The following GIGYF2 variants were observed in gnomAD, a reference collection of about 807,000 sequenced individuals.
The protein encoded by GIGYF2 is GRB10-interacting GYF protein 2.
GIGYF2 carries 25 observed loss-of-function variants against 208.1 expected under a neutral mutation model. That is an observed-to-expected ratio of 0.12 (90% CI 0.09 to 0.17). GIGYF2 has a LOEUF of 0.17. Among genes scored for constraint, GIGYF2 ranks in the 10% least tolerant of loss-of-function variants. The pLI, the probability that GIGYF2 is intolerant of heterozygous loss-of-function variation, is 1.00. For synonymous variants in GIGYF2, 534 were observed against 543.8 expected, an observed-to-expected ratio of 0.98 and a Z score of 0.25; for missense variants, 1,302 against 1,579.4, an observed-to-expected ratio of 0.82 and a Z score of 2.98.
At chr2:232,846,905 A>C (rs1172772253) in intron 26 of GIGYF2, among the ~76,000 whole-genome samples, 2 of 152,208 alleles carry the variant, frequency 1.3e-5, no homozygotes, top group African/African-American at 4.8e-5. Flanking sequence ...CTCCTATACC[A>C]CACACTGCTT....
chr2:232,707,223 G>A (rs970191337), intron 2 of GIGYF2, among the ~76,000 whole-genome samples: 3 of 152,026 alleles, frequency 2.0e-5, no homozygotes, highest in African/African-American at 4.8e-5. Context: ...TATCTTCTTC[G>A]GGAACAAAGC....
intron 21 of GIGYF2, among the ~76,000 whole-genome samples, chr2:232,821,517 A>AT (rs1030860866): frequency 4.6e-5 from 7 of 151,760 alleles, no homozygotes; most frequent in South Asian, 2.1e-4. Flanking sequence ...CAATTTATCT[A>AT]TTTTTTTTCT....
At chr2:232,786,313 C>T (rs955513716) in intron 8 of GIGYF2, among the ~76,000 whole-genome samples, 2 of 152,128 alleles carry the variant, frequency 1.3e-5, no homozygotes, top group African/African-American at 2.4e-5. Flanking sequence ...TCTCTGCTTA[C>T]CGCGACCTCC....
intron 3 of GIGYF2, among the ~76,000 whole-genome samples, chr2:232,746,396 T>C (rs991038658): frequency 6.6e-6 from 1 of 152,294 alleles, no homozygotes; most frequent in Admixed American, 6.5e-5. Flanking sequence ...TGAATAAAGC[T>C]TAGCAGTTTT....
At chr2:232,719,017 G>C (rs1426099826) in intron 2 of GIGYF2, 1 of 151,500 alleles carries the variant, frequency 6.6e-6, no homozygotes, top group Non-Finnish European at 1.5e-5. Flanking sequence ...TTTTGAGACG[G>C]AGTCTCGCTT....
chr2:232,793,335 A>T (rs773158825), intron 12 of GIGYF2, among the ~76,000 whole-genome samples: 20 of 152,158 alleles, frequency 1.3e-4, no homozygotes, highest in Non-Finnish European at 2.5e-4. Flanking sequence ...CTGTAAAGGG[A>T]AGTTGTGGCA....
At chr2:232,733,806 A>G (rs1697611215) in intron 2 of GIGYF2, among the ~76,000 whole-genome samples, 1 of 152,200 alleles carries the variant, frequency 6.6e-6, no homozygotes, top group Non-Finnish European at 1.5e-5. Flanking sequence ...TGCTGTGTAA[A>G]TAGTTGTTCT....
At chr2:232,798,072 C>T (rs1404539850) in intron 14 of GIGYF2, among the ~76,000 whole-genome samples, 2 of 151,620 alleles carry the variant, frequency 1.3e-5, no homozygotes, top group Non-Finnish European at 1.5e-5. Flanking sequence ...ACCTGAGCTT[C>T]CCTTCTACCC....
At chr2:232,824,542 C>T (rs1020099231) in intron 21 of GIGYF2, among the ~76,000 whole-genome samples, 5 of 152,022 alleles carry the variant, frequency 3.3e-5, no homozygotes, top group African/African-American at 4.8e-5. Flanking sequence ...CTGTGAAAGC[C>T]GAGAGAGGTG....
chr2:232,717,811 G>A (rs1696758242), intron 2 of GIGYF2, among the ~76,000 whole-genome samples: 1 of 151,906 alleles, frequency 6.6e-6, no homozygotes, highest in Non-Finnish European at 1.5e-5. Flanking sequence ...AACAAATCAA[G>A]TAAGGACTCA....
At chr2:232,772,142 G>C (rs1175964308) in intron 8 of GIGYF2, among the ~76,000 whole-genome samples, 3 of 152,164 alleles carry the variant, frequency 2.0e-5, no homozygotes, top group Non-Finnish European at 4.4e-5. Context: ...TCAGACTCCT[G>C]TTCTCAAGCC....
intron 14 of GIGYF2, among the ~76,000 whole-genome samples, chr2:232,800,254 A>G (rs1240632858): frequency 6.6e-6 from 1 of 152,108 alleles, no homozygotes; most frequent in Non-Finnish European, 1.5e-5. Context: ...AGAGTTTTAC[A>G]GATTTAGGTC....
intron 8 of GIGYF2, chr2:232,765,859 A>G (rs1228237551): frequency 2.2e-6 from 1 of 463,594 alleles, no homozygotes; most frequent in Non-Finnish European, 4.5e-6. Context: ...ACATGCCTCC[A>G]GTTTGTTGAA....
chr2:232,798,618 A>G (rs753928317), intron 14 of GIGYF2, among the ~76,000 whole-genome samples: 8 of 152,188 alleles, frequency 5.3e-5, no homozygotes, highest in Non-Finnish European at 1.2e-4. Flanking sequence ...AGAGGTGTGT[A>G]GTGATACCTC....
At chr2:232,849,762 A>G (rs1300278049) in intron 27 of GIGYF2, among the ~76,000 whole-genome samples, 1 of 152,250 alleles carries the variant, frequency 6.6e-6, no homozygotes, top group African/African-American at 2.4e-5. Flanking sequence ...TAGAAAGTAT[A>G]CAGACAGTAT....
In GIGYF2 at chr2:232,844,404, T is replaced by C; in HGVS notation, c.3135T>C (p.Val1045=). Residue 1045 remains valine, a synonymous_variant, in exon 25 of 29, where the codon GTT becomes GTC. Coordinates refer to ENST00000373563, the MANE Select transcript of GIGYF2 (RefSeq NM_001103146.3). Reference sequence around the variant, plus strand: ...TGCACACCAGCATTGGGAATTCTGTTTGGGGCTCTATAAATACTGGTCCTC... The same window carrying C: ...TGCACACCAGCATTGGGAATTCTGTCTGGGGCTCTATAAATACTGGTCCTC... ...SNLHTSIGNS[V]WGSINTGPPN... 1 of 1,613,954 alleles carries C rather than the reference T, an allele frequency of 6.2e-7. No homozygotes were observed. The highest frequency in any genetic ancestry group is 1.1e-5 in the South Asian group (1 of 91,084).
In GIGYF2 at chr2:232,816,881, A is replaced by G. The variant is rs1199291174; in HGVS notation, c.2219A>G (p.Glu740Gly). The change falls in exon 20 of 29, where the codon GAG becomes GGG. Residue 740 changes from glutamate to glycine, a missense_variant. By Grantham distance (98) the Glu-to-Gly change is moderately conservative. Around this residue, in one of 8 missense-constraint regions of GIGYF2, gnomAD observed 701 missense variants for 793.0 expected, o/e 0.88. Coordinates refer to ENST00000373563, the MANE Select transcript of GIGYF2 (RefSeq NM_001103146.3). ...EKAKAAKLEQ[E>G]RREAEMRAKR... ...CTTGTGTAATCACAGCTAGAGCAAG[A>G]GAGAAGAGAGGCAGAAATGAGGGCA... 2 of 1,612,704 alleles carry G rather than the reference A, an allele frequency of 1.2e-6. No individual in the cohort carries two copies. Among genetic ancestry groups the G allele is most frequent in the African/African-American group, 2.7e-5 (2 of 74,874 alleles).
intron 2 of GIGYF2, among the ~76,000 whole-genome samples, chr2:232,706,503 C>T (rs1559371714): frequency 6.6e-6 from 1 of 152,028 alleles, no homozygotes; most frequent in Non-Finnish European, 1.5e-5. Context: ...TTGGCTGGGG[C>T]GTGGTGGCTC....
chr2:232,795,986 G>A (rs1337526471), intron 13 of GIGYF2, 76 bp from the exon 14 acceptor site: 2 of 1,033,726 alleles, frequency 1.9e-6, no homozygotes, highest in Non-Finnish European at 3.1e-6. Flanking sequence ...AAAAAAAGGG[G>A]CAGGCACTGT....
Sources: gnomAD v4.1 joint callset for allele counts (sites outside exome capture counted in the v4.1 genomes callset) on GRCh38, gnomAD v4.1.1 for gene constraint, gnomAD v4.1.1 regional missense constraint, MANE v1.5 for transcripts, NCBI Gene and HGNC (gene_info 2026-07-23, HGNC 2026-07-21) for gene names.